The following RNF115 variants were observed in gnomAD, a reference collection of about 807,000 sequenced individuals.
RNF115 encodes E3 ubiquitin-protein ligase RNF115.
In RNF115, 31 loss-of-function variants were observed where a neutral mutation model predicts 39.2. The observed-to-expected ratio is 0.79, with a 90% CI of 0.59 to 1.07. The LOEUF is 1.07. Ranked by LOEUF, RNF115 falls within the 50% of genes least tolerant of loss-of-function variation. RNF115 has a pLI of 0.00. For synonymous variants in RNF115, 124 were observed against 131.0 expected (o/e 0.95, Z 0.37); for missense variants, 384 against 381.7 (o/e 1.01, Z -0.05).
intron 1 of RNF115, among the ~76,000 whole-genome samples, chr1:145,818,085 T>C (rs1475368256): frequency 6.6e-6 from 1 of 151,484 alleles, no homozygotes; most frequent in East Asian, 1.9e-4. Flanking sequence ...GTCTTTTTGG[T>C]AAAACGATTT....
intron 4 of RNF115, among the ~76,000 whole-genome samples, chr1:145,769,483 T>C (rs782306108): frequency 1.3e-5 from 2 of 152,120 alleles, no homozygotes; most frequent in Non-Finnish European, 2.9e-5. Context: ...AAGCTGAGAA[T>C]ACAGAGATAA....
intron 1 of RNF115, among the ~76,000 whole-genome samples, chr1:145,800,863 G>A (rs1310710220): frequency 6.6e-6 from 1 of 152,122 alleles, no homozygotes; most frequent in Non-Finnish European, 1.5e-5. Context: ...TCAGAACATT[G>A]CCCAAGGGAT....
At position 145,741,784 on chromosome 1, in the gene RNF115, A is replaced by G. The variant is rs1452129969; in HGVS notation, c.*5082T>C. 1.3e-5 allele frequency: 2 copies of G among 152,214 alleles called. No individual in the cohort carries two copies. Among genetic ancestry groups the G allele is most frequent in the African/African-American group, 4.8e-5 (2 of 41,430 alleles). 9.4% of individuals were successfully genotyped at this position (152,214 alleles called of 1,614,324 possible). On this transcript the variant is annotated 3_prime_UTR_variant, in exon 9 of 9. Coordinates refer to ENST00000582693, the MANE Select transcript of RNF115 (RefSeq NM_014455.4). ...GTTTTCCCCTAACATCCAAATACCT[A>G]TTCAGATACCAGCCCTGCTCCTTCT...
At position 145,824,092 on chromosome 1, in the gene RNF115, A is replaced by T; in HGVS notation, c.-219T>A. The T allele has an allele frequency of 2.2e-6, 1 of 462,932 alleles. No individual in the cohort carries two copies. Among genetic ancestry groups the T allele is most frequent in the Non-Finnish European group, 3.8e-6 (1 of 264,072 alleles). The allele number at this position is 462,932 out of a possible 1,614,324, so 28.7% of individuals were successfully genotyped here. ...AGCACCAAAGAGGCGCAGGAAGGAG[A>T]GACAAACGGCCCGCCCGCCGGCTCC... On this transcript the variant is annotated 5_prime_UTR_variant, in exon 1 of 9. Coordinates refer to ENST00000582693, the MANE Select transcript of RNF115 (RefSeq NM_014455.4).
intron 4 of RNF115, among the ~76,000 whole-genome samples, chr1:145,767,792 G>A (rs587669083): frequency 2.0e-5 from 3 of 152,382 alleles, no homozygotes; most frequent in South Asian, 4.1e-4. Flanking sequence ...CCAACACAGC[G>A]AAACCCCGTC....
intron 4 of RNF115, among the ~76,000 whole-genome samples, chr1:145,762,618 C>T (rs1553714014): frequency 1.3e-5 from 2 of 151,854 alleles, no homozygotes; most frequent in African/African-American, 4.8e-5. Context: ...CAAGGTGTAA[C>T]TATGGCTATT....
At chr1:145,779,292 C>T (rs139234251) in intron 3 of RNF115, among the ~76,000 whole-genome samples, 30 of 151,942 alleles carry the variant, frequency 2.0e-4, no homozygotes, top group African/African-American at 6.3e-4. Flanking sequence ...CTCCCACCTC[C>T]GCTTCTCGAG....
At chr1:145,789,579 G>A (rs887040076) in intron 1 of RNF115, among the ~76,000 whole-genome samples, 2 of 149,298 alleles carry the variant, frequency 1.3e-5, no homozygotes, top group African/African-American at 2.5e-5. Context: ...TGTATTTTTA[G>A]GAGAGACGAG....
rs1553711974 is a variant in RNF115 at position 145,748,008 on chromosome 1, G to A, written c.770C>T (p.Pro257Leu). 3.7e-6 allele frequency: 6 copies of A among 1,611,666 alleles called. No homozygotes were observed. Among genetic ancestry groups the A allele is most frequent in the East Asian group, 2.2e-5 (1 of 44,852 alleles). The change falls in exon 8 of 9, where the codon CCG becomes CTG. Residue 257 changes from proline to leucine, a missense_variant. Transcript: ENST00000582693. ...NHFFHSSCIVPWLELHDTCPV... is the reference protein window; with the variant it reads ...NHFFHSSCIVLWLELHDTCPV... The stretch of plus-strand genomic sequence containing the variant: ...TGCTGTACTCACCAGTTCTAGCCAC[G>A]GCACAATACAACTGCTGTGAAAGAA...
At chr1:145,781,256 C>T (rs587694600) in intron 3 of RNF115, among the ~76,000 whole-genome samples, 1 of 152,210 alleles carries the variant, frequency 6.6e-6, no homozygotes, top group Non-Finnish European at 1.5e-5. Context: ...GTAAATGTTA[C>T]TTATAGAAAA....
chr1:145,739,444 T>C lies in RNF115; in HGVS notation c.*7422A>G. The C allele has an allele frequency of 6.6e-6, 1 of 152,322 alleles. No homozygotes were observed. The highest frequency in any genetic ancestry group is 1.9e-4 in the East Asian group (1 of 5,190). The allele number at this position is 152,322 out of a possible 1,614,324, so 9.4% of individuals were successfully genotyped here. A position where few individuals can be genotyped will look rare whatever the true frequency, so the allele number is the denominator to read the frequency against. ...AGTAGATGAGTAAGACTCTTATTAG[T>C]GATAGTCTTGAACCTCAAACTAAGG... is the stretch of plus-strand genomic sequence containing the variant. On this transcript the variant is annotated 3_prime_UTR_variant, in exon 9 of 9. Coordinates refer to ENST00000582693, the MANE Select transcript of RNF115 (RefSeq NM_014455.4).
intron 5 of RNF115, 89 bp from the exon 6 acceptor site, chr1:145,751,599 C>A: frequency 1.3e-6 from 1 of 794,350 alleles, no homozygotes; most frequent in Admixed American, 2.4e-5. Context: ...GGATCCTGTT[C>A]TCTCTCAGAG....
intron 3 of RNF115, among the ~76,000 whole-genome samples, chr1:145,778,504 T>C (rs1680647): frequency 0.54 from 81,993 of 151,994 alleles, 23,690 homozygotes; most frequent in African/African-American, 0.74. Flanking sequence ...CAAAAAATAA[T>C]ATTAGAGTGT....
intron 4 of RNF115, among the ~76,000 whole-genome samples, chr1:145,767,818 C>T (rs1203625848): frequency 6.6e-6 from 1 of 152,250 alleles, no homozygotes; most frequent in African/African-American, 2.4e-5. Context: ...CATAAAAATA[C>T]GAAAACCAGT....
chr1:145,811,211 T>C (rs1649676954), intron 1 of RNF115, among the ~76,000 whole-genome samples: 1 of 151,888 alleles, frequency 6.6e-6, no homozygotes, highest in Non-Finnish European at 1.5e-5. Context: ...AAGCAACTGC[T>C]GAATAAAGTA....
chr1:145,783,217 G>T (rs1203229476), intron 3 of RNF115, among the ~76,000 whole-genome samples: 1 of 152,130 alleles, frequency 6.6e-6, no homozygotes, highest in Non-Finnish European at 1.5e-5. Context: ...AAATAAAAAT[G>T]CAAGTTCAAA....
chr1:145,785,910 A>G lies in RNF115; in HGVS notation c.162-1314T>C, dbSNP rs587632264. ...CCAAAAGTACTTGTACATCTATGCT[A>G]AATAAACAGCTAATTGAACTACCAC... On this transcript the variant is annotated intron_variant, in intron 2 of 8. Transcript: ENST00000582693. Among the ~76,000 whole-genome samples, 5 of 152,354 alleles carry G rather than the reference A, an allele frequency of 3.3e-5. No homozygotes were observed. The East Asian group carries it at 9.6e-4, about 29-fold the overall frequency.
rs75357921 is a variant in RNF115, at chr1:145,771,579, C to T, written c.428+132G>A. Reference sequence around the variant, plus strand: ...AGTACTAACATTCAATTTAGCTTCACTTTCATCCTTTCTACATATGTCCAT... The same window carrying T: ...AGTACTAACATTCAATTTAGCTTCATTTTCATCCTTTCTACATATGTCCAT... On this transcript the variant is annotated intron_variant, in intron 4 of 8. Coordinates refer to ENST00000582693, the MANE Select transcript of RNF115 (RefSeq NM_014455.4). 5,706 of 701,344 alleles carry T rather than the reference C, an allele frequency of 8.1e-3. 269 individuals are homozygous for T. The African/African-American group carries it at 0.09, about 11-fold the overall frequency. The allele number at this position is 701,344 out of a possible 1,614,324, so 43.4% of individuals were successfully genotyped here.
intron 3 of RNF115, among the ~76,000 whole-genome samples, chr1:145,783,064 T>C (rs1412261742): frequency 2.0e-5 from 3 of 152,200 alleles, no homozygotes; most frequent in African/African-American, 4.8e-5. Context: ...GGTTTCACCA[T>C]GTTGGCTAGG....
Sources: gnomAD v4.1 joint callset for allele counts (sites outside exome capture counted in the v4.1 genomes callset) on GRCh38, gnomAD v4.1.1 for gene constraint, MANE v1.5 for transcripts, NCBI Gene and HGNC (gene_info 2026-07-23, HGNC 2026-07-21) for gene names.